CGGBP1: variants seen among roughly 807,000 people sequenced by gnomAD.
CGGBP1 encodes CGG triplet repeat binding protein 1.
A neutral mutation model predicts 11.4 loss-of-function variants in CGGBP1; 4 were observed. That is an observed-to-expected ratio of 0.35 (90% CI 0.17 to 0.80). The LOEUF (loss-of-function observed/expected upper bound fraction) is 0.80. Ranked by LOEUF, CGGBP1 falls within the 30% of genes least tolerant of loss-of-function variation. The probability of loss-of-function intolerance (pLI) is 0.52; values close to 1 mark genes in which losing one functional copy is unlikely to be tolerated. For synonymous variants in CGGBP1, 76 were observed against 74.1 expected, an observed-to-expected ratio of 1.03 and a Z score of -0.13; for missense variants, 135 against 202.1, an observed-to-expected ratio of 0.67 and a Z score of 2.01.
At chr3:88,077,415 G>C (rs1196359056) in intron 2 of CGGBP1, among the ~76,000 whole-genome samples, 2 of 150,272 alleles carry the variant, frequency 1.3e-5, no homozygotes, top group Non-Finnish European at 3.0e-5. Context: ...CTCACTGCAA[G>C]CTCCGCCGCC....
chr3:88,127,804 C>G (rs1268318765), intron 2 of CGGBP1, among the ~76,000 whole-genome samples: 2 of 152,284 alleles, frequency 1.3e-5, no homozygotes, highest in African/African-American at 4.8e-5. Context: ...TTGGGAAAAG[C>G]TGCTCTAGAG....
At chr3:88,081,044 TC>T (rs955398098) in intron 2 of CGGBP1, among the ~76,000 whole-genome samples, 2 of 152,162 alleles carry the variant, frequency 1.3e-5, no homozygotes, top group African/African-American at 4.8e-5. Context: ...CCTCAGCCTT[TC>T]CTTGTCTTTG....
At chr3:88,078,685 TA>T (rs1707936262) in intron 2 of CGGBP1, among the ~76,000 whole-genome samples, 1 of 152,038 alleles carries the variant, frequency 6.6e-6, no homozygotes, top group Non-Finnish European at 1.5e-5. Context: ...GTTTCTACTT[TA>T]AAAAAATGGA....
At chr3:88,071,799 C>G (rs373759988) in intron 2 of CGGBP1, among the ~76,000 whole-genome samples, 1 of 151,956 alleles carries the variant, frequency 6.6e-6, no homozygotes, top group Admixed American at 6.6e-5. Flanking sequence ...AGTGAGACTC[C>G]GTCTCAAAAA....
intron 2 of CGGBP1, chr3:88,139,160 A>C (rs1312463238): frequency 7.5e-7 from 1 of 1,329,312 alleles, no homozygotes; most frequent in Non-Finnish European, 9.6e-7. Context: ...GTTTGGATGA[A>C]GGGTTTGACT....
At chr3:88,138,873 G>A in intron 2 of CGGBP1, 1 of 1,231,980 alleles carries the variant, frequency 8.1e-7, no homozygotes, top group Non-Finnish European at 1.0e-6. Context: ...ATTTTTTCTG[G>A]AGCGCTCCTT....
intron 2 of CGGBP1, among the ~76,000 whole-genome samples, chr3:88,104,769 G>A (rs1704632096): frequency 2.0e-5 from 3 of 152,142 alleles, no homozygotes; most frequent in Admixed American, 2.0e-4. Context: ...GGAAGAAGAG[G>A]TCAAACAGAA....
intron 2 of CGGBP1, among the ~76,000 whole-genome samples, chr3:88,106,904 G>A (rs1008547770): frequency 1.3e-5 from 2 of 152,004 alleles, no homozygotes; most frequent in African/African-American, 2.4e-5. Flanking sequence ...TGTTTTTATC[G>A]TATACTAAAT....
At chr3:88,088,761 TATGGATGGATGG>T (rs931246026) in intron 2 of CGGBP1, among the ~76,000 whole-genome samples, 2 of 126,428 alleles carry the variant, frequency 1.6e-5, no homozygotes, top group Admixed American at 7.7e-5. Context: ...TGTATGTATG[TATGGATGGATGG>T]ATGGATGGAT....
chr3:88,149,865 A>G, exon 1 of CGGBP1: 1 of 648,200 alleles, frequency 1.5e-6, no homozygotes, highest in Non-Finnish European at 2.6e-6. Flanking sequence ...GCCCGGAACC[A>G]CAAGTGAGGG....
chr3:88,104,195 G>A lies in CGGBP1; in HGVS notation c.-229+36775C>T, dbSNP rs141698979. Among the ~76,000 whole-genome samples the A allele has an allele frequency of 4.4e-3, 676 of 152,266 alleles. 7 individuals carry two copies. Among genetic ancestry groups the A allele is most frequent in the African/African-American group, 0.015 (642 of 41,548 alleles). Reference sequence around the variant, plus strand: ...AGTTCCATAAGCAGCACCAGATGCTGGACAGAAATTTGGATGTATCTAAGG... The same window carrying A: ...AGTTCCATAAGCAGCACCAGATGCTAGACAGAAATTTGGATGTATCTAAGG... On this transcript the variant is annotated intron_variant, in intron 2 of 3. Transcript: ENST00000462901.
intron 2 of CGGBP1, among the ~76,000 whole-genome samples, chr3:88,128,426 TAAAG>T (rs1706248803): frequency 2.0e-5 from 3 of 152,230 alleles, no homozygotes; most frequent in Non-Finnish European, 4.4e-5. Context: ...CTTTTAATCT[TAAAG>T]AAAATATTGA....
At chr3:88,092,160 C>T (rs1703782218) in intron 2 of CGGBP1, among the ~76,000 whole-genome samples, 1 of 152,058 alleles carries the variant, frequency 6.6e-6, no homozygotes, top group Admixed American at 6.5e-5. Flanking sequence ...GGGGAAATAG[C>T]AACATGTTGG....
intron 2 of CGGBP1, among the ~76,000 whole-genome samples, chr3:88,098,044 T>C (rs1474059682): frequency 1.3e-5 from 2 of 152,108 alleles, no homozygotes; most frequent in Non-Finnish European, 1.5e-5. Flanking sequence ...ATCCAGGAGC[T>C]GGGTTTTTGA....
intron 2 of CGGBP1, among the ~76,000 whole-genome samples, chr3:88,065,144 C>T (rs984883141): frequency 9.9e-5 from 15 of 152,150 alleles, no homozygotes; most frequent in Non-Finnish European, 1.9e-4. Context: ...AATTTTGGCA[C>T]ATTTGGGATA....
At chr3:88,068,440 AAAT>A (rs1367755930) in intron 2 of CGGBP1, among the ~76,000 whole-genome samples, 2 of 152,188 alleles carry the variant, frequency 1.3e-5, no homozygotes, top group Non-Finnish European at 2.9e-5. Flanking sequence ...TGTACTGTGA[AAAT>A]AAGTGTGCAT....
intron 2 of CGGBP1, chr3:88,140,328 G>T: frequency 6.2e-7 from 1 of 1,613,556 alleles, no homozygotes; most frequent in Non-Finnish European, 8.5e-7. Flanking sequence ...AATTCTTTGG[G>T]ATGTTCAGAC....
chr3:88,058,641 G>A (rs1706647191), intron 1 of CGGBP1, among the ~76,000 whole-genome samples, 174 bp downstream of exon 1: 1 of 152,202 alleles, frequency 6.6e-6, no homozygotes, highest in Non-Finnish European at 1.5e-5. Flanking sequence ...GGGAGGCGGC[G>A]GCAGGCGCCT....
intron 2 of CGGBP1, chr3:88,139,714 C>T: frequency 6.4e-7 from 1 of 1,566,990 alleles, no homozygotes; most frequent in East Asian, 2.4e-5. Context: ...AATGGCAGTC[C>T]TAATAATTCT....
Sources: gnomAD v4.1 joint callset for allele counts (sites outside exome capture counted in the v4.1 genomes callset) on GRCh38, gnomAD v4.1.1 for gene constraint, MANE v1.5 for transcripts, NCBI Gene and HGNC (gene_info 2026-07-23, HGNC 2026-07-21) for gene names.